TMC4: variants seen among roughly 807,000 people sequenced by gnomAD.
TMC4 encodes voltage-gated chloride channel TMC4.
A neutral mutation model predicts 82.0 loss-of-function variants in TMC4; 70 were observed. The observed-to-expected ratio is 0.85, with a 90% CI of 0.70 to 1.04. TMC4 has a LOEUF of 1.04. Among genes scored for constraint, TMC4 ranks in the 50% least tolerant of loss-of-function variants. The pLI, the probability that TMC4 is intolerant of heterozygous loss-of-function variation, is 0.00. For synonymous variants in TMC4, 446 were observed against 406.0 expected (o/e 1.10, Z -1.18); for missense variants, 879 against 899.0 (o/e 0.98, Z 0.28).
intron 13 of TMC4, 146 bp downstream of exon 13, chr19:54,160,732 C>T (rs759208623): frequency 4.6e-5 from 64 of 1,401,738 alleles, no homozygotes; most frequent in Non-Finnish European, 6.0e-5. Context: ...CTCCTTCGGA[C>T]CCAGCAGTCC....
rs767794855 is a variant in TMC4, at chr19:54,168,197, G to A, written c.771C>T (p.Leu257=). ...GATGCAGGATGAGCAGGAGGCAGAT[G>A]AGGCCAACGGCAAAGGCCCAGCACA... The part of the protein sequence containing the change: ...TYLCWAFAVG[L]ICLLLILHRS... Residue 257 remains leucine (L), a synonymous_variant, in exon 5 of 15, where the codon CTC becomes CTT. Transcript: ENST00000619895. 2 of 1,602,906 alleles carry A rather than the reference G, an allele frequency of 1.2e-6. No individual in the cohort carries two copies. The highest frequency in any genetic ancestry group is 1.7e-6 in the Non-Finnish European group (2 of 1,174,632).
Position 54,161,164 on chromosome 19 carries a change from T to C in TMC4, c.1783A>G (p.Ile595Val). 6.3e-7 allele frequency: 1 copy of C among 1,591,204 alleles called. No homozygotes were observed. ...FPLVLLLGLA[I>V]SSVPLLYSIF... ...CTGTAAAGCAGGGGAACGCTGGAGATGGCCAGACCCAGGAGAAGGACCAAG... is the reference window on the plus strand; with the variant it reads ...CTGTAAAGCAGGGGAACGCTGGAGACGGCCAGACCCAGGAGAAGGACCAAG... The change falls in exon 12 of 15, where the codon ATC becomes GTC. Residue 595 changes from isoleucine to valine, a missense_variant. Physicochemically the swap from Ile to Val is conservative, Grantham distance 29. Transcript: ENST00000619895.
In TMC4 at chr19:54,160,960, A is replaced by C; in HGVS notation, c.1891T>G (p.Ser631Ala). ...TTCTGGGTGGTCTCAGGGAGGCTGG[A>C]AATAGACTCAGGGATCTGGGCCCAG... ...SIWAQIPESI[S>A]SLPETTQNFL... The change falls in exon 13 of 15, where the codon TCC becomes GCC. Residue 631 changes from serine (S) to alanine (A), a missense_variant. Coordinates refer to ENST00000619895, the MANE Select transcript of TMC4 (RefSeq NM_144686.4). 1 of 1,614,182 alleles carries C rather than the reference A, an allele frequency of 6.2e-7. No homozygotes were observed. The highest frequency in any genetic ancestry group is 8.5e-7 in the Non-Finnish European group (1 of 1,180,032).
intron 11 of TMC4, 56 bp from the exon 12 acceptor site, chr19:54,161,316 ATTTTT>A (rs765095573): frequency 6.6e-4 from 720 of 1,092,066 alleles, no homozygotes; most frequent in South Asian, 1.5e-3. Flanking sequence ...CTGTGCCTCC[ATTTTT>A]TTTTTTTTTT....
At chr19:54,167,101 TA>T (rs1215367728) in intron 5 of TMC4, among the ~76,000 whole-genome samples, 2 of 151,152 alleles carry the variant, frequency 1.3e-5, no homozygotes, top group Non-Finnish European at 3.0e-5. Context: ...TCTATAACAT[TA>T]AAAAAAAATT....
At chr19:54,169,228 T>C in intron 3 of TMC4, among the ~76,000 whole-genome samples, 1 of 149,170 alleles carries the variant, frequency 6.7e-6, no homozygotes, top group Non-Finnish European at 1.5e-5. Context: ...GAGACGGGGG[T>C]TTCACCATGT....
chr19:54,163,222 T>A, intron 8 of TMC4, 63 bp from the exon 9 acceptor site: 1 of 1,597,278 alleles, frequency 6.3e-7, no homozygotes, highest in Non-Finnish European at 8.6e-7. Context: ...AGTTCCCTTC[T>A]CAGTGGAACG....
chr19:54,163,208 T>C lies in TMC4; in HGVS notation c.1278-49A>G, dbSNP rs748701574. ...GGGCCCTGACCCGGTACCCACCATG[T>C]GGCAGTTCCCTTCTCAGTGGAACGC... On this transcript the variant is annotated intron_variant, in intron 8 of 14. Transcript: ENST00000619895. 1.1e-5 allele frequency: 17 copies of C among 1,608,904 alleles called. No individual in the cohort carries two copies. In the South Asian group the frequency reaches 1.9e-4, roughly 18 times the overall value.
chr19:54,160,663 A>G, intron 13 of TMC4, 118 bp from the exon 14 acceptor site: 1 of 1,528,898 alleles, frequency 6.5e-7, no homozygotes, highest in Non-Finnish European at 8.8e-7. Flanking sequence ...GGGCTCAAGG[A>G]GTTCAGTCTC....
chr19:54,162,272 G>A lies in TMC4; in HGVS notation c.1516C>T (p.Leu506Phe), dbSNP rs1271332754. ...IQFPRKLLCG[L>F]CPGALGRLAG... ...AGACGACCCAGCGCCCCAGGACAGA[G>A]GCCACAGAGGAGCCTGAAGGACGGG... The change falls in exon 11 of 15, where the codon CTC becomes TTC. Residue 506 changes from leucine (L) to phenylalanine (F), a missense_variant. Transcript: ENST00000619895. 5 of 1,581,968 alleles carry A rather than the reference G, an allele frequency of 3.2e-6. No individual in the cohort carries two copies.
chr19:54,164,630 C>G lies in TMC4; in HGVS notation c.946-29G>C, dbSNP rs375478080. ...AAGGCAGGAGAGATGCCCGCTTGGA[C>G]TCCATTTCCCAAGGCGCGGGCCTCC... On this transcript the variant is annotated intron_variant, in intron 6 of 14. Coordinates refer to ENST00000619895, the MANE Select transcript of TMC4 (RefSeq NM_144686.4). 3.1e-6 allele frequency: 5 copies of G among 1,609,598 alleles called. No homozygotes were observed. In the African/African-American group the frequency reaches 4.0e-5, roughly 13 times the overall value.
chr19:54,168,747 G>A (rs2075770487), intron 3 of TMC4, 67 bp from the exon 4 acceptor site: 1 of 1,001,902 alleles, frequency 1.0e-6, no homozygotes, highest in Non-Finnish European at 1.3e-6. Context: ...TCCTACCCCT[G>A]GACTGGGGTC....
Position 54,169,563 on chromosome 19 carries a change from C to G in TMC4, c.391G>C (p.Glu131Gln), listed in dbSNP as rs554277292. The change falls in exon 3 of 15, where the codon GAA (glutamate) becomes CAA (glutamine). Residue 131 changes from glutamate (E) to glutamine (Q), a missense_variant. Glu to Gln is a conservative substitution (Grantham distance 29, BLOSUM62 2). Coordinates refer to ENST00000619895, the MANE Select transcript of TMC4 (RefSeq NM_144686.4). ...CAGGGCTGCAGGCTTCGCAAGCCTT[C>G]CTTTGTTTTCTCCTTGGACCTCCGA... ...LLRRSKEKTK[E>Q]GLRSLQPWAW... 4 of 1,613,952 alleles carry G rather than the reference C, an allele frequency of 2.5e-6. No homozygotes were observed. In the South Asian group the frequency reaches 4.4e-5, roughly 18 times the overall value.
rs199685902 is a variant in TMC4, at chr19:54,171,025, C to G, written c.293+845G>C. Among the ~76,000 whole-genome samples the G allele has an allele frequency of 2.9e-5, 4 of 137,026 alleles. No homozygotes were observed. In the East Asian group the frequency reaches 9.7e-4, roughly 33 times the overall value. The allele number at this position is 137,026 out of a possible 152,430, so 89.9% of individuals were successfully genotyped here. ...ACTGATCGGTGTGGGAGTGTTGATA[C>G]ATTGTTATTTTTTATTGTTTTTTCC... On this transcript the variant is annotated intron_variant, in intron 2 of 14. Transcript: ENST00000619895.
At position 54,164,422 on chromosome 19, in the gene TMC4, G is replaced by C; in HGVS notation, c.1113+12C>G. On this transcript the variant is annotated intron_variant, in intron 7 of 14. Coordinates refer to ENST00000619895, the MANE Select transcript of TMC4 (RefSeq NM_144686.4). ...AGGACCCCCTGGCTTCCTCTTCCAAGACCGTCCGCACCTGCAGCTCCACGG... is the reference window on the plus strand; with the variant it reads ...AGGACCCCCTGGCTTCCTCTTCCAACACCGTCCGCACCTGCAGCTCCACGG... 1 of 1,605,492 alleles carries C rather than the reference G, an allele frequency of 6.2e-7. No homozygotes were observed. The highest frequency in any genetic ancestry group is 1.1e-5 in the South Asian group (1 of 90,536).
chr19:54,161,315 C>T, intron 11 of TMC4, 55 bp from the exon 12 acceptor site: 1 of 1,103,936 alleles, frequency 9.1e-7, no homozygotes, highest in Non-Finnish European at 1.2e-6. Context: ...TCTGTGCCTC[C>T]ATTTTTTTTT....
chr19:54,162,530 C>CG (rs1488498391), intron 10 of TMC4, 143 bp downstream of exon 10: 1 of 749,814 alleles, frequency 1.3e-6, no homozygotes, highest in East Asian at 2.7e-5. Flanking sequence ...GGGCGGGGAG[C>CG]GGGGAGATCT....
chr19:54,163,096 A>G lies in TMC4; in HGVS notation c.1341T>C (p.Thr447=). The change falls in exon 9 of 15, where the codon ACT becomes ACC. Residue 447 remains threonine, a synonymous_variant. Transcript: ENST00000619895. The part of the protein sequence containing the change: ...VLLFSLWNQI[T]CGGDSEAEDC... The stretch of plus-strand genomic sequence containing the variant: ...CCTCAGCCTCGGAGTCGCCCCCACA[A>G]GTGATCTGATTCCAGAGAGAGAAGA... 6.2e-7 allele frequency: 1 copy of G among 1,613,688 alleles called. No homozygotes were observed. Among genetic ancestry groups the G allele is most frequent in the Non-Finnish European group, 8.5e-7 (1 of 1,179,910 alleles).
Position 54,163,132 on chromosome 19 carries a change from C to G in TMC4, c.1305G>C (p.Leu435=), listed in dbSNP as rs1216701918. The change falls in exon 9 of 15, where the codon CTG becomes CTC. Residue 435 remains leucine, a synonymous_variant. Transcript: ENST00000619895. ...TCCAGAGAGAGAAGAGCAGGACCAC[C>G]AGGGAGGCGAGGCGAAGAAACACGG... is the stretch of plus-strand genomic sequence containing the variant. The part of the protein sequence containing the change: ...LRTVFLRLAS[L]VVLLFSLWNQ... 1 of 1,613,922 alleles carries G rather than the reference C, an allele frequency of 6.2e-7. No homozygotes were observed.
Sources: gnomAD v4.1 joint callset for allele counts (sites outside exome capture counted in the v4.1 genomes callset) on GRCh38, gnomAD v4.1.1 for gene constraint, MANE v1.5 for transcripts, NCBI Gene and HGNC (gene_info 2026-07-23, HGNC 2026-07-21) for gene names.